DYNC2I1: variants seen among roughly 807,000 people sequenced by gnomAD.
DYNC2I1 encodes dynein 2 intermediate chain 1.
In DYNC2I1, 89 loss-of-function variants were observed where a neutral mutation model predicts 133.4. That is an observed-to-expected ratio of 0.67 (90% CI 0.56 to 0.80). The LOEUF is 0.80. Ranked by LOEUF, DYNC2I1 falls within the 30% of genes least tolerant of loss-of-function variation. DYNC2I1 has a pLI of 0.00. For synonymous variants in DYNC2I1, 504 were observed against 484.3 expected, an observed-to-expected ratio of 1.04 and a Z score of -0.54; for missense variants, 1,291 against 1,314.5, an observed-to-expected ratio of 0.98 and a Z score of 0.28.
chr7:158,841,208 TATATATA>T, the DYNC2I1 span, among the ~76,000 whole-genome samples: 112 of 73,164 alleles, frequency 1.5e-3, 3 homozygotes, highest in Admixed American at 3.5e-3. Context: ...TATATATATA[TATATATA>T]TATATATTTT....
the DYNC2I1 span, among the ~76,000 whole-genome samples, chr7:158,843,924 G>GA: frequency 2.0e-5 from 3 of 152,104 alleles, no homozygotes; most frequent in Non-Finnish European, 1.5e-5. Context: ...AAGGAAAAAG[G>GA]AGAGAGGGTA....
intron 17 of DYNC2I1, among the ~76,000 whole-genome samples, chr7:158,924,287 G>A (rs150658513): frequency 5.9e-5 from 9 of 152,338 alleles, no homozygotes; most frequent in African/African-American, 1.9e-4. Context: ...GGAAGATGCC[G>A]CGTTTATCCA....
At chr7:158,903,604 C>T (rs1017473700) in intron 10 of DYNC2I1, 6 of 152,192 alleles carry the variant, frequency 3.9e-5, no homozygotes, top group African/African-American at 1.4e-4. Context: ...AGCTAAAGGG[C>T]ACCTGTCCTG....
the DYNC2I1 span, among the ~76,000 whole-genome samples, chr7:158,850,863 T>C: frequency 2.0e-5 from 3 of 152,112 alleles, no homozygotes; most frequent in Non-Finnish European, 4.4e-5. Context: ...GAGATGCTTT[T>C]AAGTAGGGAA....
chr7:158,925,747 T>C (rs925524331), intron 17 of DYNC2I1, among the ~76,000 whole-genome samples: 2 of 151,936 alleles, frequency 1.3e-5, no homozygotes, highest in African/African-American at 4.8e-5. Context: ...TGTGCGGAGG[T>C]CTCCCCCATT....
intron 21 of DYNC2I1, among the ~76,000 whole-genome samples, chr7:158,933,134 G>C (rs975993933): frequency 2.0e-5 from 3 of 152,192 alleles, no homozygotes; most frequent in African/African-American, 7.2e-5. Context: ...TGGAAAGGAG[G>C]CTGATAGCAT....
Position 158,945,485 on chromosome 7 carries a change from A to G in DYNC2I1, c.3003-96A>G. 1 of 1,308,168 alleles carries G rather than the reference A, an allele frequency of 7.6e-7. No individual in the cohort carries two copies. The highest frequency in any genetic ancestry group is 1.0e-6 in the Non-Finnish European group (1 of 963,948). The allele number at this position is 1,308,168 out of a possible 1,614,324, so 81.0% of individuals were successfully genotyped here. ...ATTTTTAGAATTTCTCATCCGTTTC[A>G]CTCTTCCCATGGAAGGTAGACATTT... is the stretch of plus-strand genomic sequence containing the variant. On this transcript the variant is annotated intron_variant, in intron 24 of 24. Coordinates refer to ENST00000407559, the MANE Select transcript of DYNC2I1 (RefSeq NM_018051.5). This position sits in a 1 kb window ranked among gnomAD's most constrained non-coding sequence, Gnocchi z 4.1.
intron 1 of DYNC2I1, among the ~76,000 whole-genome samples, chr7:158,857,342 GCTTTC>G (rs1393183556): frequency 3.9e-5 from 6 of 152,028 alleles, no homozygotes; most frequent in Non-Finnish European, 5.9e-5. Flanking sequence ...ACCAGTGCCT[GCTTTC>G]ATTAACACTC....
At chr7:158,927,114 G>T in intron 20 of DYNC2I1, 71 bp downstream of exon 20, 1 of 1,153,546 alleles carries the variant, frequency 8.7e-7, no homozygotes. Flanking sequence ...ACTGATAACT[G>T]CGGTCAGGTG....
At chr7:158,862,676 C>T (rs532674157) in intron 1 of DYNC2I1, among the ~76,000 whole-genome samples, 38 of 151,934 alleles carry the variant, frequency 2.5e-4, no homozygotes, top group African/African-American at 8.9e-4. Flanking sequence ...GCTATGATAG[C>T]ACTGTGTCCG....
At chr7:158,934,690 C>T in intron 23 of DYNC2I1, 141 bp downstream of exon 23, 2 of 802,672 alleles carry the variant, frequency 2.5e-6, no homozygotes, top group Non-Finnish European at 3.8e-6. Context: ...AAATGACCCT[C>T]CCACCTCAGC....
intron 11 of DYNC2I1, 66 bp from the exon 12 acceptor site, chr7:158,911,484 C>G: frequency 6.5e-7 from 1 of 1,536,768 alleles, no homozygotes; most frequent in Non-Finnish European, 8.8e-7. Context: ...TACTTCTGTT[C>G]TCCCTACACT....
At chr7:158,913,165 T>A in intron 13 of DYNC2I1, 69 bp downstream of exon 13, 1 of 1,187,356 alleles carries the variant, frequency 8.4e-7, no homozygotes, top group Admixed American at 2.4e-5. Context: ...TTTTTACTTA[T>A]TCCCTTTCTG....
At chr7:158,912,022 C>G (rs1485780209) in intron 12 of DYNC2I1, among the ~76,000 whole-genome samples, 3 of 152,136 alleles carry the variant, frequency 2.0e-5, no homozygotes, top group Non-Finnish European at 4.4e-5. Flanking sequence ...TCGCCCAGGC[C>G]AGAGTGCAGT....
At chr7:158,926,651 G>A (rs537027182) in intron 19 of DYNC2I1, among the ~76,000 whole-genome samples, 188 bp downstream of exon 19, 19 of 152,236 alleles carry the variant, frequency 1.2e-4, no homozygotes, top group Non-Finnish European at 2.5e-4. Context: ...GGGCCCTTTC[G>A]TGACAGTGAA....
chr7:158,926,106 C>T (rs118152067), intron 17 of DYNC2I1, 81 bp from the exon 18 acceptor site: 94 of 1,111,576 alleles, frequency 8.5e-5, no homozygotes, highest in Non-Finnish European at 1.2e-4. Context: ...AGAAGCACCT[C>T]GTGTTTGTCC....
At chr7:158,905,873 A>T (rs953778409) in intron 10 of DYNC2I1, 116 bp from the exon 11 acceptor site, 2 of 695,720 alleles carry the variant, frequency 2.9e-6, no homozygotes, top group Non-Finnish European at 4.8e-6. Flanking sequence ...TCATTAGTTG[A>T]AGGGTTTATT....
intron 23 of DYNC2I1, among the ~76,000 whole-genome samples, chr7:158,937,155 C>A (rs1226969122): frequency 1.3e-5 from 2 of 152,082 alleles, no homozygotes; most frequent in Non-Finnish European, 2.9e-5. Flanking sequence ...CACAGAAAAG[C>A]AATTCAGAAA....
At chr7:158,926,860 C>T in intron 19 of DYNC2I1, 132 bp from the exon 20 acceptor site, 1 of 664,576 alleles carries the variant, frequency 1.5e-6, no homozygotes. Context: ...GGCTAAAGAT[C>T]AGTCTCTTTT....
Sources: allele counts gnomAD v4.1 joint callset (sites outside exome capture counted in the v4.1 genomes callset), GRCh38; gene constraint gnomAD v4.1.1; non-coding constraint Gnocchi (gnomAD v3.1); transcripts MANE v1.5; gene names NCBI Gene and HGNC (gene_info 2026-07-23, HGNC 2026-07-21).